BCCIP: variants seen among roughly 807,000 people sequenced by gnomAD.
BCCIP encodes BRCA2 and CDKN1A-interacting protein.
A neutral mutation model predicts 32.8 loss-of-function variants in BCCIP; 23 were observed. The observed-to-expected ratio is 0.70, with a 90% CI of 0.51 to 0.99. BCCIP has a LOEUF of 0.99. Ranked by LOEUF, BCCIP falls within the 50% of genes least tolerant of loss-of-function variation. BCCIP has a pLI of 0.00. For missense variants in BCCIP, 378 were observed against 379.8 expected (o/e 1.00, Z 0.04); for synonymous variants, 144 against 137.6 (o/e 1.05, Z -0.33).
At chr10:125,840,725 C>G (rs981028230), downstream of BCCIP, 9 of 1,118,856 alleles carry the variant, frequency 8.0e-6, no homozygotes, top group Admixed American at 2.3e-4. Flanking sequence ...GCCTCAAGTG[C>G]CATTGCATTC....
chr10:125,842,831 T>C (rs775082084), downstream of BCCIP: 6 of 931,908 alleles, frequency 6.4e-6, no homozygotes, highest in African/African-American at 1.8e-5. Context: ...TTTATTTCTT[T>C]TAAGTTTATG....
downstream of BCCIP, chr10:125,841,540 GTTTTC>G (rs1466280891): frequency 2.1e-6 from 3 of 1,421,698 alleles, no homozygotes; most frequent in African/African-American, 4.4e-5. Flanking sequence ...CTTTGAGTTA[GTTTTC>G]TTAAGATAAT....
intron 1 of BCCIP, among the ~76,000 whole-genome samples, chr10:125,824,074 G>C (rs1854278711): frequency 6.6e-6 from 1 of 152,230 alleles, no homozygotes; most frequent in Admixed American, 6.5e-5. Context: ...CGGGGCAGCA[G>C]CTGTCCTCCT....
chr10:125,852,226 A>G, intron 7 of BCCIP: 1 of 1,574,816 alleles, frequency 6.3e-7, no homozygotes. Flanking sequence ...TGAACTCAGG[A>G]CAGAGAATGG....
chr10:125,834,237 GA>G (rs1488115661), intron 6 of BCCIP, among the ~76,000 whole-genome samples: 7 of 152,190 alleles, frequency 4.6e-5, no homozygotes, highest in African/African-American at 1.7e-4. Context: ...TGCTTCCTGT[GA>G]AATCTTTCAT....
At chr10:125,841,990 C>G in exon 7 of BCCIP, 1 of 1,488,476 alleles carries the variant, frequency 6.7e-7, no homozygotes, top group Non-Finnish European at 8.8e-7. Context: ...GATGGAGAAA[C>G]AGGTACTGGA....
chr10:125,851,210 T>A (rs939923644), intron 7 of BCCIP, among the ~76,000 whole-genome samples: 4 of 152,224 alleles, frequency 2.6e-5, no homozygotes, highest in African/African-American at 9.6e-5. Flanking sequence ...CGAGCATCTT[T>A]TTCTTTTTTT....
downstream of BCCIP, among the ~76,000 whole-genome samples, chr10:125,847,195 T>C (rs549608970): frequency 6.6e-6 from 1 of 152,002 alleles, no homozygotes; most frequent in East Asian, 1.9e-4. Context: ...TCCTGATTTT[T>C]CTAGGTTGTT....
chr10:125,845,690 A>G (rs1944008040), downstream of BCCIP, among the ~76,000 whole-genome samples: 1 of 152,232 alleles, frequency 6.6e-6, no homozygotes, highest in African/African-American at 2.4e-5. Context: ...AGTGGCCTCC[A>G]TGGTAAACTG....
chr10:125,844,101 A>G (rs775733317), downstream of BCCIP, among the ~76,000 whole-genome samples: 32 of 152,190 alleles, frequency 2.1e-4, no homozygotes, highest in Non-Finnish European at 5.9e-5. Flanking sequence ...GACCTTGAGA[A>G]ATCACAATCA....
intron 7 of BCCIP, among the ~76,000 whole-genome samples, chr10:125,850,606 C>T (rs185940000): frequency 4.6e-5 from 7 of 152,254 alleles, no homozygotes; most frequent in African/African-American, 9.6e-5. Flanking sequence ...CCACCCACCT[C>T]GGCCTCCCAA....
At chr10:125,838,369 C>T (rs777495871), downstream of BCCIP, 2 of 1,588,976 alleles carry the variant, frequency 1.3e-6, no homozygotes, top group Non-Finnish European at 1.7e-6. Context: ...TTACCTGATC[C>T]ATCAACATCC....
chr10:125,830,919 GTC>G (rs1284536039), intron 4 of BCCIP, among the ~76,000 whole-genome samples: 5 of 152,282 alleles, frequency 3.3e-5, no homozygotes, highest in African/African-American at 1.2e-4. Flanking sequence ...TGTTTGTGCT[GTC>G]TCTCTGCAGC....
chr10:125,853,137 G>T, exon 8 of BCCIP: 1 of 1,607,950 alleles, frequency 6.2e-7, no homozygotes, highest in Non-Finnish European at 8.5e-7. Flanking sequence ...GGTTCACGGG[G>T]GCAAGTGACA....
chr10:125,844,619 T>C (rs1207841367), downstream of BCCIP, among the ~76,000 whole-genome samples: 1 of 152,232 alleles, frequency 6.6e-6, no homozygotes, highest in African/African-American at 2.4e-5. Flanking sequence ...TATTCTGCAT[T>C]TTATCTCCCC....
intron 5 of BCCIP, among the ~76,000 whole-genome samples, chr10:125,833,568 T>C (rs920610814): frequency 2.2e-4 from 33 of 152,274 alleles, no homozygotes; most frequent in African/African-American, 8.0e-4. Context: ...AGATATATCA[T>C]AGTATTATAA....
chr10:125,846,145 C>T (rs990467929), downstream of BCCIP, among the ~76,000 whole-genome samples: 4 of 152,204 alleles, frequency 2.6e-5, no homozygotes, highest in Admixed American at 2.6e-4. Flanking sequence ...TGGGAAAGTT[C>T]TGCCACTTCA....
chr10:125,843,507 G>A (rs1453821184), downstream of BCCIP, among the ~76,000 whole-genome samples: 1 of 152,078 alleles, frequency 6.6e-6, no homozygotes, highest in African/African-American at 2.4e-5. Context: ...AGCTACTCGG[G>A]AGGTTGAGGC....
intron 7 of BCCIP, chr10:125,853,108 A>G: frequency 6.4e-7 from 1 of 1,568,458 alleles, no homozygotes; most frequent in Non-Finnish European, 8.7e-7. Context: ...TGGCACTAAC[A>G]ATGATTTTCC....
Sources: gnomAD v4.1 joint callset for allele counts (sites outside exome capture counted in the v4.1 genomes callset) on GRCh38, gnomAD v4.1.1 for gene constraint, MANE v1.5 for transcripts, NCBI Gene and HGNC (gene_info 2026-07-23, HGNC 2026-07-21) for gene names.